Variants in DMRT1 observed in about 807,000 individuals in gnomAD.
DMRT1 encodes the protein doublesex and mab-3 related transcription factor 1, also known as doublesex- and mab-3-related transcription factor 1.
In DMRT1, 7 loss-of-function variants were observed where a neutral mutation model predicts 32.3. That is an observed-to-expected ratio of 0.22 (90% CI 0.12 to 0.41). The LOEUF is 0.41. Ranked by LOEUF, DMRT1 falls within the 10% of genes least tolerant of loss-of-function variation. The pLI is 1.00. For missense variants in DMRT1, 625 were observed against 500.5 expected (o/e 1.25, Z -2.37); for synonymous variants, 278 against 206.1 (o/e 1.35, Z -2.99).
intron 2 of DMRT1, among the ~76,000 whole-genome samples, chr9:892,855 C>T (rs1817206625): frequency 6.6e-6 from 1 of 152,174 alleles, no homozygotes; most frequent in Admixed American, 6.6e-5. Context: ...CTTCCCTGCC[C>T]ATCATTCCAA....
At chr9:917,794 T>C (rs1470618257) in intron 4 of DMRT1, among the ~76,000 whole-genome samples, 5 of 152,200 alleles carry the variant, frequency 3.3e-5, no homozygotes, top group Non-Finnish European at 7.3e-5. Flanking sequence ...CTAAAATAGC[T>C]GGGCAAGTTA....
intron 2 of DMRT1, among the ~76,000 whole-genome samples, chr9:858,020 CTAT>C (rs1173231871): frequency 3.3e-5 from 5 of 151,968 alleles, no homozygotes; most frequent in Admixed American, 2.0e-4. Flanking sequence ...TTAATCCAGT[CTAT>C]TATTGTTGTA....
At chr9:954,434 G>A (rs1327117202) in intron 4 of DMRT1, among the ~76,000 whole-genome samples, 2 of 152,014 alleles carry the variant, frequency 1.3e-5, no homozygotes, top group Non-Finnish European at 2.9e-5. Context: ...GAGGGATGTG[G>A]CAGAGTTCAA....
At chr9:954,667 G>A (rs1483701303) in intron 4 of DMRT1, among the ~76,000 whole-genome samples, 5 of 151,888 alleles carry the variant, frequency 3.3e-5, no homozygotes, top group Non-Finnish European at 7.4e-5. Flanking sequence ...TTATTTTTTA[G>A]AGTCTTGCTC....
intron 2 of DMRT1, among the ~76,000 whole-genome samples, chr9:863,360 A>T (rs1589465158): frequency 6.6e-6 from 1 of 150,770 alleles, no homozygotes; most frequent in African/African-American, 2.4e-5. Context: ...TGTGGACAGA[A>T]CCTTTCCTGG....
chr9:919,093 T>C (rs80072029), intron 4 of DMRT1, among the ~76,000 whole-genome samples: 1 of 152,138 alleles, frequency 6.6e-6, no homozygotes, highest in Middle Eastern at 3.2e-3. Context: ...TTGTGAGATA[T>C]CGGCAAAGGT....
chr9:859,186 C>G (rs1156333276), intron 2 of DMRT1, among the ~76,000 whole-genome samples: 1 of 152,162 alleles, frequency 6.6e-6, no homozygotes, highest in Non-Finnish European at 1.5e-5. Context: ...GCTCTCTTAA[C>G]TCCCAAATGT....
chr9:957,533 G>A (rs1819638258), intron 4 of DMRT1, among the ~76,000 whole-genome samples: 1 of 152,146 alleles, frequency 6.6e-6, no homozygotes, highest in African/African-American at 2.4e-5. Flanking sequence ...TCTGTAATCT[G>A]AACTTACCTT....
intron 4 of DMRT1, among the ~76,000 whole-genome samples, chr9:932,324 A>G (rs1818751966): frequency 6.6e-6 from 1 of 152,176 alleles, no homozygotes; most frequent in South Asian, 2.1e-4. Context: ...GATACAGCAG[A>G]ATTTGGGCCT....
At chr9:878,435 G>T (rs779895824) in intron 2 of DMRT1, among the ~76,000 whole-genome samples, 1 of 152,128 alleles carries the variant, frequency 6.6e-6, no homozygotes, top group African/African-American at 2.4e-5. Context: ...CGCCAGGTTT[G>T]TGTTTGACGT....
At chr9:962,932 T>G (rs1819821870) in intron 4 of DMRT1, among the ~76,000 whole-genome samples, 1 of 152,190 alleles carries the variant, frequency 6.6e-6, no homozygotes, top group South Asian at 2.1e-4. Flanking sequence ...TCTGACATGC[T>G]GTAGAAGGAT....
At chr9:964,196 G>GTT (rs577644286) in intron 4 of DMRT1, among the ~76,000 whole-genome samples, 1,987 of 150,562 alleles carry the variant, frequency 0.013, 39 homozygotes, top group African/African-American at 0.046. Flanking sequence ...AGAGTTTTGT[G>GTT]GTTTTTTTTT....
At chr9:862,709 T>C (rs1388657123) in intron 2 of DMRT1, among the ~76,000 whole-genome samples, 1 of 152,132 alleles carries the variant, frequency 6.6e-6, no homozygotes, top group Non-Finnish European at 1.5e-5. Flanking sequence ...GGGAAGTCTA[T>C]ACTGGGGGTA....
At chr9:915,034 T>C (rs1818125460) in intron 3 of DMRT1, among the ~76,000 whole-genome samples, 1 of 152,242 alleles carries the variant, frequency 6.6e-6, no homozygotes, top group Non-Finnish European at 1.5e-5. Context: ...TCAAGTACCA[T>C]TTAAAATACT....
chr9:907,870 A>AT (rs1817836166), intron 3 of DMRT1, among the ~76,000 whole-genome samples: 2 of 151,234 alleles, frequency 1.3e-5, no homozygotes, highest in Non-Finnish European at 2.9e-5. Context: ...ATATGTATAT[A>AT]ACACACACTG....
At chr9:922,193 G>A (rs1042918665) in intron 4 of DMRT1, among the ~76,000 whole-genome samples, 1 of 152,058 alleles carries the variant, frequency 6.6e-6, no homozygotes, top group Non-Finnish European at 1.5e-5. Context: ...AAAAAGTCTG[G>A]GGGGCTCTAG....
At chr9:880,541 A>G (rs948666404) in intron 2 of DMRT1, among the ~76,000 whole-genome samples, 1 of 151,800 alleles carries the variant, frequency 6.6e-6, no homozygotes, top group Non-Finnish European at 1.5e-5. Flanking sequence ...AGCCTGGCCA[A>G]TATGGTGAAT....
intron 2 of DMRT1, among the ~76,000 whole-genome samples, chr9:881,298 G>C (rs1816727597): frequency 6.6e-6 from 1 of 152,140 alleles, no homozygotes; most frequent in Non-Finnish European, 1.5e-5. Flanking sequence ...AATTGAACTA[G>C]GTATAATCTT....
intron 4 of DMRT1, among the ~76,000 whole-genome samples, chr9:930,962 A>G (rs978639959): frequency 6.6e-6 from 1 of 152,206 alleles, no homozygotes; most frequent in Non-Finnish European, 1.5e-5. Flanking sequence ...CATCACTGCT[A>G]TCTAATTCCA....
Sources: allele counts gnomAD v4.1 joint callset (sites outside exome capture counted in the v4.1 genomes callset), GRCh38; gene constraint gnomAD v4.1.1; transcripts MANE v1.5; gene names NCBI Gene and HGNC (gene_info 2026-07-23, HGNC 2026-07-21).